Variants in NRG1 observed in about 807,000 individuals in gnomAD.
NRG1 encodes the protein neuregulin 1, also known as pro-neuregulin-1, membrane-bound isoform.
Under a neutral mutation model 63.8 loss-of-function variants are expected in NRG1, and 18 were observed. The ratio of observed to expected loss-of-function variants is 0.28; its 90% CI spans 0.19 to 0.42. NRG1 has a LOEUF of 0.42. Ranked by LOEUF, NRG1 falls within the 10% of genes least tolerant of loss-of-function variation. The pLI is 1.00. For synonymous variants in NRG1, 302 were observed against 301.3 expected, an observed-to-expected ratio of 1.00 and a Z score of -0.02; for missense variants, 762 against 814.7, an observed-to-expected ratio of 0.94 and a Z score of 0.79.
chr8:32,058,348 T>C (rs1284594119), intron 1 of NRG1, among the ~76,000 whole-genome samples: 1 of 152,060 alleles, frequency 6.6e-6, no homozygotes, highest in Admixed American at 6.6e-5. Flanking sequence ...GATCTGACTT[T>C]ATATTGGTAC....
Position 31,640,148 on chromosome 8 carries a change from C to A in NRG1, c.37+717C>A. Reference sequence around the variant, plus strand: ...GGGGCGGCGGCCGGCAACGAGGCGGCTCCCGCGGGGGCCTCGGTGTGCTAC... The same window carrying A: ...GGGGCGGCGGCCGGCAACGAGGCGGATCCCGCGGGGGCCTCGGTGTGCTAC... On this transcript the variant is annotated intron_variant, in intron 1 of 10. Coordinates refer to the NRG1 transcript ENST00000519301. The surrounding 1 kb of genome is among the most constrained non-coding windows in gnomAD (Gnocchi z 6.3). The A allele has an allele frequency of 3.4e-6, 4 of 1,173,398 alleles. No individual in the cohort carries two copies. The highest frequency in any genetic ancestry group is 4.2e-6 in the Non-Finnish European group (4 of 950,424). The allele number at this position is 1,173,398 out of a possible 1,614,324, so 72.7% of individuals were successfully genotyped here. A position where few individuals can be genotyped will look rare whatever the true frequency, so the allele number is the denominator to read the frequency against.
At chr8:32,303,590 G>T (rs1235059871) in intron 1 of NRG1, among the ~76,000 whole-genome samples, 1 of 152,206 alleles carries the variant, frequency 6.6e-6, no homozygotes, top group African/African-American at 2.4e-5. Context: ...ACAGAAAGTG[G>T]TGCCAGTTTT....
chr8:32,149,111 G>A (rs186174738), intron 1 of NRG1, among the ~76,000 whole-genome samples: 54 of 152,166 alleles, frequency 3.5e-4, no homozygotes, highest in Admixed American at 3.3e-3. Flanking sequence ...TCTCAAAGTG[G>A]GACTAATGAA....
intron 1 of NRG1, among the ~76,000 whole-genome samples, chr8:32,114,982 A>G (rs565371563): frequency 2.0e-5 from 3 of 152,252 alleles, no homozygotes; most frequent in African/African-American, 7.2e-5. Context: ...AGGCTCTTGA[A>G]TAATGCAGGC....
intron 1 of NRG1, among the ~76,000 whole-genome samples, chr8:32,472,109 C>A (rs939763214): frequency 6.6e-6 from 1 of 152,144 alleles, no homozygotes; most frequent in African/African-American, 2.4e-5. Flanking sequence ...GGGATAAATA[C>A]AAAACTGGTG....
chr8:31,990,799 TC>T (rs1331321924), intron 1 of NRG1, among the ~76,000 whole-genome samples: 3 of 152,078 alleles, frequency 2.0e-5, no homozygotes, highest in Non-Finnish European at 4.4e-5. Flanking sequence ...GTTAAACTTT[TC>T]CAGGATTGTC....
intron 1 of NRG1, among the ~76,000 whole-genome samples, chr8:31,668,537 A>G (rs922361717): frequency 1.3e-5 from 2 of 152,240 alleles, no homozygotes; most frequent in African/African-American, 4.8e-5. Context: ...GTGAAATTCA[A>G]TGGATCACAA....
intron 1 of NRG1, among the ~76,000 whole-genome samples, chr8:32,034,640 T>C (rs1452258609): frequency 6.6e-6 from 1 of 152,246 alleles, no homozygotes; most frequent in African/African-American, 2.4e-5. Flanking sequence ...GTTATTGGTC[T>C]ACTCAAGAAT....
chr8:32,687,095 T>C (rs1033132967), intron 5 of NRG1, among the ~76,000 whole-genome samples: 6 of 152,202 alleles, frequency 3.9e-5, no homozygotes, highest in African/African-American at 1.4e-4. Flanking sequence ...TATAAAGCTG[T>C]ATCAACCACG....
At chr8:32,457,393 T>C (rs1381272323) in intron 1 of NRG1, among the ~76,000 whole-genome samples, 5 of 152,204 alleles carry the variant, frequency 3.3e-5, no homozygotes, top group Admixed American at 1.3e-4. Flanking sequence ...TGTAGTTGGT[T>C]CCTTTCCTAG....
rs1158508289 is a variant in NRG1 at position 31,796,414 on chromosome 8, C to CTTTTTTTTTT, written c.37+157010_37+157019dup. On this transcript the variant is annotated intron_variant, in intron 1 of 10. Coordinates refer to the NRG1 transcript ENST00000519301. ...ATAACCAAATAAGATGGCGTATAATCTTTTTTTTTTTTTTTTTTTTTTTTT... is the reference window on the plus strand; with the variant it reads ...ATAACCAAATAAGATGGCGTATAATCTTTTTTTTTTTTTTTTTTTTTTTTTTTTTTTTTTT... Among the ~76,000 whole-genome samples the CTTTTTTTTTT allele has an allele frequency of 4.4e-4, 19 of 43,376 alleles. 4 individuals carry two copies. The highest frequency in any genetic ancestry group is 7.0e-4 in the Non-Finnish European group (17 of 24,460). 28.5% of individuals were successfully genotyped at this position (43,376 alleles called of 152,430 possible). A position where few individuals can be genotyped will look rare whatever the true frequency, so the allele number is the denominator to read the frequency against.
At chr8:32,197,952 G>A (rs1198512865) in intron 1 of NRG1, among the ~76,000 whole-genome samples, 4 of 151,792 alleles carry the variant, frequency 2.6e-5, no homozygotes, top group Admixed American at 1.3e-4. Flanking sequence ...ATCACTAAGC[G>A]CATGTGCACA....
chr8:32,428,861 G>C (rs1817764580), intron 1 of NRG1, among the ~76,000 whole-genome samples: 1 of 152,178 alleles, frequency 6.6e-6, no homozygotes, highest in African/African-American at 2.4e-5. Flanking sequence ...TCAAGACCTA[G>C]AGAAATTTCT....
intron 1 of NRG1, among the ~76,000 whole-genome samples, chr8:32,066,832 C>A (rs1824906564): frequency 6.6e-6 from 1 of 151,976 alleles, no homozygotes. Flanking sequence ...ATGGAATGTT[C>A]TTCCATTTGT....
At chr8:32,419,145 G>A (rs961400273) in intron 1 of NRG1, among the ~76,000 whole-genome samples, 4 of 152,134 alleles carry the variant, frequency 2.6e-5, no homozygotes, top group African/African-American at 9.7e-5. Context: ...AAAATTAAAA[G>A]GTGGAAATAT....
At chr8:32,598,313 A>T (rs1028548323) in intron 2 of NRG1, among the ~76,000 whole-genome samples, 6 of 152,128 alleles carry the variant, frequency 3.9e-5, no homozygotes, top group Non-Finnish European at 8.8e-5. Context: ...ATTCAATCTG[A>T]TGCTACCTGG....
chr8:31,639,450 C>T (rs1803516820), intron 1 of NRG1: 13 of 1,533,402 alleles, frequency 8.5e-6, no homozygotes, highest in East Asian at 2.5e-5. Flanking sequence ...GCTGGCGAGG[C>T]GCAGGACGCT....
chr8:32,499,866 T>G (rs1212106607), intron 1 of NRG1, among the ~76,000 whole-genome samples: 1 of 152,080 alleles, frequency 6.6e-6, no homozygotes, highest in Non-Finnish European at 1.5e-5. Flanking sequence ...AACTTCAGCT[T>G]CCAGGGCTCC....
chr8:32,677,427 G>C (rs1034043681), intron 5 of NRG1, among the ~76,000 whole-genome samples: 1 of 151,998 alleles, frequency 6.6e-6, no homozygotes, highest in Non-Finnish European at 1.5e-5. Context: ...GAAGCTGAGC[G>C]GGGTGGATCA....
Sources: allele counts gnomAD v4.1 joint callset (sites outside exome capture counted in the v4.1 genomes callset), GRCh38; gene constraint gnomAD v4.1.1; non-coding constraint Gnocchi (gnomAD v3.1); transcripts MANE v1.5; gene names NCBI Gene and HGNC (gene_info 2026-07-23, HGNC 2026-07-21).